Variants in TRAF3 observed in about 807,000 individuals in gnomAD.
TRAF3 encodes TNF receptor-associated factor 3.
In TRAF3, 13 loss-of-function variants were observed where a neutral mutation model predicts 62.3. The ratio of observed to expected loss-of-function variants is 0.21; its 90% CI spans 0.14 to 0.33. The LOEUF is 0.33. Among genes scored for constraint, TRAF3 ranks in the 10% least tolerant of loss-of-function variants. TRAF3 has a pLI of 1.00. For missense variants in TRAF3, 440 were observed against 741.8 expected (o/e 0.59, Z 4.73); for synonymous variants, 269 against 283.4 (o/e 0.95, Z 0.51).
At chr14:102,778,166 C>T (rs1168127602) in intron 1 of TRAF3, among the ~76,000 whole-genome samples, 1 of 151,054 alleles carries the variant, frequency 6.6e-6, no homozygotes, top group Non-Finnish European at 1.5e-5. Flanking sequence ...TCAGAGGCGC[C>T]TCCGACCGCT....
intron 2 of TRAF3, among the ~76,000 whole-genome samples, chr14:102,863,363 C>G (rs1240241037): frequency 2.0e-5 from 3 of 152,196 alleles, no homozygotes; most frequent in Admixed American, 6.5e-5. Context: ...TCTGAGTTCT[C>G]TGTTCCATTA....
At chr14:102,823,917 T>C (rs1246652243) in intron 1 of TRAF3, among the ~76,000 whole-genome samples, 26 of 152,226 alleles carry the variant, frequency 1.7e-4, no homozygotes, top group Admixed American at 1.5e-3. Context: ...TTCATTCATA[T>C]TGTGCATGTA....
At chr14:102,853,797 C>A (rs1181806404) in intron 2 of TRAF3, among the ~76,000 whole-genome samples, 1 of 149,292 alleles carries the variant, frequency 6.7e-6, no homozygotes, top group Non-Finnish European at 1.5e-5. Context: ...GAGATTGCGG[C>A]ACTGTACTCT....
At chr14:102,815,290 A>G (rs941161437) in intron 1 of TRAF3, among the ~76,000 whole-genome samples, 1 of 152,094 alleles carries the variant, frequency 6.6e-6, no homozygotes, top group East Asian at 1.9e-4. Context: ...GAAGATTTAC[A>G]TCTTTCTTCT....
intron 1 of TRAF3, among the ~76,000 whole-genome samples, chr14:102,812,213 A>G (rs1475705288): frequency 6.6e-6 from 1 of 151,910 alleles, no homozygotes; most frequent in Non-Finnish European, 1.5e-5. Flanking sequence ...CTGTGAGATC[A>G]ACTTTTTTTA....
At chr14:102,856,256 C>T (rs1443526743) in intron 2 of TRAF3, among the ~76,000 whole-genome samples, 2 of 152,150 alleles carry the variant, frequency 1.3e-5, no homozygotes, top group Non-Finnish European at 2.9e-5. Context: ...AGCCCATTGC[C>T]ACTCAGCTGC....
chr14:102,796,536 T>TG (rs1012312163), intron 1 of TRAF3, among the ~76,000 whole-genome samples: 1 of 152,126 alleles, frequency 6.6e-6, no homozygotes, highest in Middle Eastern at 3.2e-3. Flanking sequence ...GAAGTGGGGA[T>TG]GGGGGGTGGA....
intron 2 of TRAF3, among the ~76,000 whole-genome samples, chr14:102,844,195 T>C (rs1220582720): frequency 6.6e-6 from 1 of 152,254 alleles, no homozygotes; most frequent in African/African-American, 2.4e-5. Flanking sequence ...GAGTACAAGA[T>C]TAAAACCTGT....
At chr14:102,887,599 C>A (rs1001798086) in intron 7 of TRAF3, among the ~76,000 whole-genome samples, 24 of 146,530 alleles carry the variant, frequency 1.6e-4, no homozygotes, top group Admixed American at 1.4e-4. Context: ...GAAATAATTT[C>A]TTTTTTTTTT....
rs746653684 is a variant in TRAF3, at chr14:102,886,237, A to G, written c.619A>G (p.Lys207Glu). 1 of 1,612,428 alleles carries G rather than the reference A, an allele frequency of 6.2e-7. No individual in the cohort carries two copies. The highest frequency in any genetic ancestry group is 1.1e-5 in the South Asian group (1 of 91,026). Reference sequence around the variant, plus strand: ...CTGCGTGGTGGTGTCCTGCCCTCACAAGTGCAGCGTCCAGACTCTCCTGAG... The same window carrying G: ...CTGCGTGGTGGTGTCCTGCCCTCACGAGTGCAGCGTCCAGACTCTCCTGAG... ...CPCVVVSCPH[K>E]CSVQTLLRSE... Residue 207 changes from lysine (K) to glutamate (E), a missense_variant, in exon 7 of 12, where the codon AAG (lysine) becomes GAG (glutamate). This residue lies in a region of TRAF3 where 255 missense variants were observed against 424.1 expected (regional missense o/e 0.60). Transcript: ENST00000392745.
chr14:102,832,347 C>A (rs956130759), intron 2 of TRAF3, among the ~76,000 whole-genome samples: 6 of 152,054 alleles, frequency 3.9e-5, no homozygotes, highest in African/African-American at 1.4e-4. Flanking sequence ...TTTTCTAAGC[C>A]CTGGTCTGCA....
At chr14:102,905,116 A>C in intron 11 of TRAF3, 97 bp from the exon 12 acceptor site, 1 of 1,301,952 alleles carries the variant, frequency 7.7e-7, no homozygotes, top group East Asian at 2.4e-5. Context: ...CGTCTCAAAA[A>C]AATGAAATAA....
chr14:102,904,809 CAA>C (rs36006172), intron 11 of TRAF3, among the ~76,000 whole-genome samples: 24,160 of 79,484 alleles, frequency 0.3, 2,720 homozygotes, highest in East Asian at 0.46. Context: ...GACTCCATCT[CAA>C]AAAAAAAAAA....
At chr14:102,791,911 C>T (rs889376573) in intron 1 of TRAF3, among the ~76,000 whole-genome samples, 4 of 151,790 alleles carry the variant, frequency 2.6e-5, no homozygotes, top group Non-Finnish European at 5.9e-5. Flanking sequence ...CTCCCAGGCT[C>T]AAGCGATCCT....
chr14:102,832,752 T>C (rs1157072477), intron 2 of TRAF3, among the ~76,000 whole-genome samples: 14 of 152,042 alleles, frequency 9.2e-5, no homozygotes, highest in Admixed American at 9.2e-4. Context: ...AACACACTAA[T>C]AGACATAGCA....
chr14:102,837,278 A>G (rs563003915), intron 2 of TRAF3, among the ~76,000 whole-genome samples: 3 of 151,968 alleles, frequency 2.0e-5, no homozygotes, highest in African/African-American at 7.2e-5. Context: ...AGCTGGGACC[A>G]CAGGTGCATG....
At chr14:102,796,335 G>A (rs914502725) in intron 1 of TRAF3, among the ~76,000 whole-genome samples, 3 of 152,240 alleles carry the variant, frequency 2.0e-5, no homozygotes, top group Admixed American at 6.5e-5. Context: ...CTCATACCTC[G>A]CCCTTTGCGT....
At chr14:102,878,845 G>A (rs1033220877) in intron 6 of TRAF3, among the ~76,000 whole-genome samples, 4 of 152,168 alleles carry the variant, frequency 2.6e-5, no homozygotes, top group African/African-American at 4.8e-5. Context: ...CCCAGAACTG[G>A]GAGGGTGAGA....
chr14:102,794,526 G>A (rs1213226322), intron 1 of TRAF3, among the ~76,000 whole-genome samples: 1 of 152,184 alleles, frequency 6.6e-6, no homozygotes, highest in Non-Finnish European at 1.5e-5. Context: ...TATCAGTGTA[G>A]CATTATTCCT....
Sources: gnomAD v4.1 joint callset for allele counts (sites outside exome capture counted in the v4.1 genomes callset) on GRCh38, gnomAD v4.1.1 for gene constraint, gnomAD v4.1.1 regional missense constraint, MANE v1.5 for transcripts, NCBI Gene and HGNC (gene_info 2026-07-23, HGNC 2026-07-21) for gene names.